Variants in NEDD4L observed in about 807,000 individuals in gnomAD.
The protein encoded by NEDD4L is NEDD4 like E3 ubiquitin protein ligase, also known as E3 ubiquitin-protein ligase NEDD4-like.
Under a neutral mutation model 148.9 loss-of-function variants are expected in NEDD4L, and 54 were observed. The ratio of observed to expected loss-of-function variants is 0.36; its 90% CI spans 0.29 to 0.45. The LOEUF (loss-of-function observed/expected upper bound fraction) is 0.45, where lower values mean the gene tolerates loss of function less well. Ranked by LOEUF, NEDD4L falls within the 20% of genes least tolerant of loss-of-function variation. The pLI, the probability that NEDD4L is intolerant of heterozygous loss-of-function variation, is 1.00. For synonymous variants in NEDD4L, 433 were observed against 440.7 expected, an observed-to-expected ratio of 0.98 and a Z score of 0.22; for missense variants, 856 against 1,233.8, an observed-to-expected ratio of 0.69 and a Z score of 4.59.
chr18:58,130,439 G>T (rs2031901184), intron 1 of NEDD4L, among the ~76,000 whole-genome samples: 1 of 146,296 alleles, frequency 6.8e-6, no homozygotes, highest in African/African-American at 2.6e-5. Flanking sequence ...GCTGTGTTGG[G>T]CTCTGTTGGG....
intron 30 of NEDD4L, among the ~76,000 whole-genome samples, chr18:58,395,040 C>G (rs528097932): frequency 3.9e-5 from 6 of 152,318 alleles, no homozygotes; most frequent in South Asian, 4.1e-4. Flanking sequence ...CTTGCTGTGT[C>G]TCAAGCTCCT....
At chr18:58,077,637 G>A (rs2083238244) in intron 1 of NEDD4L, among the ~76,000 whole-genome samples, 1 of 152,122 alleles carries the variant, frequency 6.6e-6, no homozygotes, top group Admixed American at 6.5e-5. Flanking sequence ...CCAGGAATCA[G>A]TACTTTGAAA....
At position 58,082,079 on chromosome 18, in the gene NEDD4L, A is replaced by AAT. The variant is rs72331379; in HGVS notation, c.48+37394_48+37395dup. On this transcript the variant is annotated intron_variant, in intron 1 of 30. Coordinates refer to ENST00000400345, the MANE Select transcript of NEDD4L (RefSeq NM_001144967.3). ...TTTTTATTCTAATTGCTTTCTGATG[A>AAT]ATATATATATATATATATATATATT... Among the ~76,000 whole-genome samples, 221 of 89,902 alleles carry AAT rather than the reference A, an allele frequency of 2.5e-3. 4 individuals are homozygous for AAT. Among genetic ancestry groups the AAT allele is most frequent in the South Asian group, 7.9e-3 (21 of 2,652 alleles). The allele number at this position is 89,902 out of a possible 152,430, so 59.0% of individuals were successfully genotyped here. A position where few individuals can be genotyped will look rare whatever the true frequency, so the allele number is the denominator to read the frequency against.
chr18:58,244,691 CT>C (rs939640587), intron 2 of NEDD4L, among the ~76,000 whole-genome samples: 2 of 151,470 alleles, frequency 1.3e-5, no homozygotes, highest in South Asian at 2.1e-4. Flanking sequence ...TTGTTTTTGT[CT>C]TTTTTTTGGG....
At chr18:58,201,457 G>C (rs185354795) in intron 2 of NEDD4L, among the ~76,000 whole-genome samples, 3 of 152,254 alleles carry the variant, frequency 2.0e-5, no homozygotes, top group Non-Finnish European at 2.9e-5. Flanking sequence ...AGCCTCAACC[G>C]TTGTTAACAG....
chr18:58,232,049 C>A (rs1309326163), intron 2 of NEDD4L, among the ~76,000 whole-genome samples: 1 of 152,182 alleles, frequency 6.6e-6, no homozygotes, highest in Admixed American at 6.5e-5. Flanking sequence ...TGTGCCTTTA[C>A]CCCATGATTA....
chr18:58,283,040 T>G (rs2053392040), intron 5 of NEDD4L, among the ~76,000 whole-genome samples: 1 of 151,972 alleles, frequency 6.6e-6, no homozygotes, highest in Non-Finnish European at 1.5e-5. Context: ...CGTGATAAAT[T>G]GCACACTGCC....
intron 17 of NEDD4L, among the ~76,000 whole-genome samples, chr18:58,350,240 G>C (rs1200228048): frequency 1.3e-5 from 2 of 152,144 alleles, no homozygotes; most frequent in African/African-American, 4.8e-5. Flanking sequence ...TTTTGTTGTT[G>C]TTTTCCAAGT....
At chr18:58,330,665 A>C in intron 10 of NEDD4L, 73 bp from the exon 11 acceptor site, 1 of 1,237,370 alleles carries the variant, frequency 8.1e-7, no homozygotes, top group Non-Finnish European at 1.1e-6. Flanking sequence ...TTGTTGTTAC[A>C]TGGTTTCATT....
chr18:58,348,923 A>G (rs1314478369), intron 16 of NEDD4L, among the ~76,000 whole-genome samples: 1 of 152,050 alleles, frequency 6.6e-6, no homozygotes. Context: ...ATAAATGAGA[A>G]CTTAATCTGC....
chr18:58,099,412 C>T (rs751818211), intron 1 of NEDD4L, among the ~76,000 whole-genome samples: 53 of 152,188 alleles, frequency 3.5e-4, no homozygotes, highest in Middle Eastern at 3.2e-3. Context: ...ATGCATTTAT[C>T]ATTACTTAGT....
At chr18:58,044,788 TC>T in intron 1 of NEDD4L, 80 bp downstream of exon 1, 1 of 1,525,916 alleles carries the variant, frequency 6.6e-7, no homozygotes, top group Admixed American at 2.0e-5. Flanking sequence ...AAAGGGGCCG[TC>T]CCCGGGGTGC....
At chr18:58,203,460 TTGGGAAGTGGTGGTAATAATC>T (rs771778852) in intron 2 of NEDD4L, among the ~76,000 whole-genome samples, 181 of 152,306 alleles carry the variant, frequency 1.2e-3, no homozygotes, top group Non-Finnish European at 2.2e-3. Flanking sequence ...AGGTAAATTT[TTGGGAAGTGGTGGTAATAATC>T]TAAGTATGTC....
intron 30 of NEDD4L, among the ~76,000 whole-genome samples, chr18:58,393,898 G>C (rs1479871595): frequency 6.6e-6 from 1 of 152,192 alleles, no homozygotes; most frequent in Non-Finnish European, 1.5e-5. Flanking sequence ...TTGAGTGTCT[G>C]ACATTCAAAG....
rs182511218 is a variant in NEDD4L at position 58,047,177 on chromosome 18, A to G, written c.48+2469A>G. Reference sequence around the variant, plus strand: ...CTTCCAAGGCGTATTAAATATGGGTACACTTAGTTTGCAGACTTGGTGTGC... The same window carrying G: ...CTTCCAAGGCGTATTAAATATGGGTGCACTTAGTTTGCAGACTTGGTGTGC... On this transcript the variant is annotated intron_variant, in intron 1 of 30. Coordinates refer to ENST00000400345, the MANE Select transcript of NEDD4L (RefSeq NM_001144967.3). 6.6e-6 allele frequency: 6 copies of G among 905,738 alleles called. No individual in the cohort carries two copies. The East Asian group carries it at 7.1e-4, about 108-fold the overall frequency. The allele number at this position is 905,738 out of a possible 1,614,324, so 56.1% of individuals were successfully genotyped here. A position where few individuals can be genotyped will look rare whatever the true frequency, so the allele number is the denominator to read the frequency against.
At chr18:58,324,236 C>T (rs994943793) in intron 8 of NEDD4L, among the ~76,000 whole-genome samples, 1 of 152,192 alleles carries the variant, frequency 6.6e-6, no homozygotes, top group East Asian at 1.9e-4. Flanking sequence ...GCCTTCCAAC[C>T]GCAGTAACCA....
At chr18:58,326,685 A>C (rs1367568634) in intron 9 of NEDD4L, among the ~76,000 whole-genome samples, 1 of 152,224 alleles carries the variant, frequency 6.6e-6, no homozygotes, top group Non-Finnish European at 1.5e-5. Context: ...CCTCTGCAGA[A>C]AAGTGGCCAG....
intron 5 of NEDD4L, among the ~76,000 whole-genome samples, chr18:58,292,277 C>T (rs1316203076): frequency 6.6e-6 from 1 of 152,188 alleles, no homozygotes. Flanking sequence ...TATACTGTCA[C>T]TGCTGCCTCT....
chr18:58,256,486 G>C lies in NEDD4L; in HGVS notation c.297+4432G>C. ...GGTATCCTCGCATTCGGCTGGAGAG[G>C]AGCACCTCGTACCCCACGCAGCCCC... On this transcript the variant is annotated intron_variant, in intron 5 of 30. Coordinates refer to ENST00000400345, the MANE Select transcript of NEDD4L (RefSeq NM_001144967.3). This position sits in a 1 kb window ranked among gnomAD's most constrained non-coding sequence, Gnocchi z 5.2. 8.1e-7 allele frequency: 1 copy of C among 1,232,294 alleles called. No individual in the cohort carries two copies. Among genetic ancestry groups the C allele is most frequent in the Non-Finnish European group, 1.0e-6 (1 of 988,076 alleles). 76.3% of individuals were successfully genotyped at this position (1,232,294 alleles called of 1,614,324 possible).
Sources: allele counts gnomAD v4.1 joint callset (sites outside exome capture counted in the v4.1 genomes callset), GRCh38; gene constraint gnomAD v4.1.1; non-coding constraint Gnocchi (gnomAD v3.1); transcripts MANE v1.5; gene names NCBI Gene and HGNC (gene_info 2026-07-23, HGNC 2026-07-21).